The following HS6ST3 variants were observed in gnomAD, a reference collection of about 807,000 sequenced individuals.
HS6ST3 encodes the protein heparan sulfate 6-O-sulfotransferase 3.
A neutral mutation model predicts 36.7 loss-of-function variants in HS6ST3; 12 were observed. The observed-to-expected ratio is 0.33, with a 90% CI of 0.21 to 0.53. HS6ST3 has a LOEUF of 0.53. HS6ST3 is among the 20% of genes least tolerant of loss of function. The pLI, the probability that HS6ST3 is intolerant of heterozygous loss-of-function variation, is 0.95. For synonymous variants in HS6ST3, 240 were observed against 257.5 expected, an observed-to-expected ratio of 0.93 and a Z score of 0.65; for missense variants, 584 against 640.9, an observed-to-expected ratio of 0.91 and a Z score of 0.96.
At chr13:96,325,738 C>G (rs2055027649) in intron 1 of HS6ST3, among the ~76,000 whole-genome samples, 1 of 151,862 alleles carries the variant, frequency 6.6e-6, no homozygotes, top group African/African-American at 2.4e-5. Context: ...TGAATGGAGT[C>G]TGGAAAAAAG....
chr13:96,120,874 C>T (rs2053922291), intron 1 of HS6ST3, among the ~76,000 whole-genome samples: 1 of 152,110 alleles, frequency 6.6e-6, no homozygotes, highest in Non-Finnish European at 1.5e-5. Flanking sequence ...ACATGTATTA[C>T]AAAAGCAGTG....
intron 1 of HS6ST3, among the ~76,000 whole-genome samples, chr13:96,739,340 T>C (rs1876377027): frequency 6.6e-6 from 1 of 151,678 alleles, no homozygotes; most frequent in African/African-American, 2.4e-5. Context: ...CCTTTGACTC[T>C]CGAGTGTTTA....
intron 1 of HS6ST3, among the ~76,000 whole-genome samples, chr13:96,429,144 A>C (rs969795147): frequency 1.3e-5 from 2 of 152,204 alleles, no homozygotes; most frequent in Non-Finnish European, 2.9e-5. Flanking sequence ...CTGTATGTGC[A>C]TGAGCTGTTA....
intron 1 of HS6ST3, among the ~76,000 whole-genome samples, chr13:96,686,143 T>C (rs569995502): frequency 1.3e-5 from 2 of 152,126 alleles, no homozygotes; most frequent in Non-Finnish European, 2.9e-5. Flanking sequence ...CTCATTACCA[T>C]ACACGTCTCC....
At chr13:96,793,556 G>A (rs1236180051) in intron 1 of HS6ST3, among the ~76,000 whole-genome samples, 1 of 152,082 alleles carries the variant, frequency 6.6e-6, no homozygotes, top group Non-Finnish European at 1.5e-5. Flanking sequence ...TAGAGAAGGA[G>A]GGTTGGTGAG....
rs148583780 is a variant in HS6ST3, at chr13:96,705,807, G to A, written c.708-126683G>A. Among the ~76,000 whole-genome samples the A allele has an allele frequency of 4.7e-3, 712 of 152,254 alleles. 5 individuals carry two copies. Among genetic ancestry groups the A allele is most frequent in the Non-Finnish European group, 7.8e-3 (530 of 68,002 alleles). On this transcript the variant is annotated intron_variant, in intron 1 of 1. Transcript: ENST00000376705. ...CTCCAAGGCAGCATGCTCAGTCTCCGTCCACCCACCCCACTGGCCTCTGGG... is the reference window on the plus strand; with the variant it reads ...CTCCAAGGCAGCATGCTCAGTCTCCATCCACCCACCCCACTGGCCTCTGGG...
intron 1 of HS6ST3, among the ~76,000 whole-genome samples, chr13:96,122,012 T>C (rs916055055): frequency 6.6e-6 from 1 of 152,058 alleles, no homozygotes; most frequent in African/African-American, 2.4e-5. Context: ...CTCTTACTTT[T>C]TCAATAGCTA....
At chr13:96,601,415 C>T (rs2056421169) in intron 1 of HS6ST3, among the ~76,000 whole-genome samples, 1 of 152,030 alleles carries the variant, frequency 6.6e-6, no homozygotes, top group African/African-American at 2.4e-5. Context: ...TTTGTTGAAA[C>T]TTTCCACTGT....
chr13:96,320,985 G>T (rs1271948531), intron 1 of HS6ST3, among the ~76,000 whole-genome samples: 1 of 152,074 alleles, frequency 6.6e-6, no homozygotes, highest in African/African-American at 2.4e-5. Flanking sequence ...CCCTTCCTGG[G>T]GCTGGTGCAT....
intron 1 of HS6ST3, among the ~76,000 whole-genome samples, chr13:96,349,010 T>C (rs563234019): frequency 3.9e-5 from 6 of 152,158 alleles, no homozygotes; most frequent in Admixed American, 2.0e-4. Context: ...TTCATGCCAA[T>C]TTGTATCCTG....
chr13:96,334,614 A>T (rs1190331439), intron 1 of HS6ST3, among the ~76,000 whole-genome samples: 2 of 152,204 alleles, frequency 1.3e-5, no homozygotes, highest in African/African-American at 4.8e-5. Flanking sequence ...GGAGCAATTC[A>T]TATCTTACAC....
At chr13:96,108,730 G>A (rs1021529716) in intron 1 of HS6ST3, among the ~76,000 whole-genome samples, 2 of 152,138 alleles carry the variant, frequency 1.3e-5, no homozygotes, top group Non-Finnish European at 2.9e-5. Flanking sequence ...AAGGAAAGAG[G>A]TAAAGGACAG....
intron 1 of HS6ST3, among the ~76,000 whole-genome samples, chr13:96,651,532 T>C (rs2056607319): frequency 6.6e-6 from 1 of 152,056 alleles, no homozygotes; most frequent in Admixed American, 6.6e-5. Flanking sequence ...GAGCATGCTG[T>C]ACCCTCCTCA....
intron 1 of HS6ST3, among the ~76,000 whole-genome samples, chr13:96,521,706 A>G (rs1394709765): frequency 1.3e-5 from 2 of 151,898 alleles, no homozygotes; most frequent in African/African-American, 4.8e-5. Context: ...TATCCCCTTT[A>G]TCATGTTTTA....
chr13:96,152,647 T>A (rs547543583), intron 1 of HS6ST3, among the ~76,000 whole-genome samples: 4 of 152,268 alleles, frequency 2.6e-5, no homozygotes, highest in Admixed American at 6.5e-5. Flanking sequence ...CCTCTTTTTT[T>A]AATACTATCA....
At chr13:96,523,932 G>A (rs1486809308) in intron 1 of HS6ST3, among the ~76,000 whole-genome samples, 1 of 152,114 alleles carries the variant, frequency 6.6e-6, no homozygotes, top group Non-Finnish European at 1.5e-5. Flanking sequence ...TTGGAGGTGA[G>A]GAGGCATTTG....
At chr13:96,524,491 C>T (rs1159829535) in intron 1 of HS6ST3, among the ~76,000 whole-genome samples, 1 of 152,204 alleles carries the variant, frequency 6.6e-6, no homozygotes, top group East Asian at 1.9e-4. Flanking sequence ...AGGCAGTAGG[C>T]CTTGCTGAGC....
chr13:96,596,371 A>C (rs1340799122), intron 1 of HS6ST3, among the ~76,000 whole-genome samples: 1 of 152,164 alleles, frequency 6.6e-6, no homozygotes, highest in African/African-American at 2.4e-5. Flanking sequence ...GTTGATGAGC[A>C]GTTAGGTTGA....
intron 1 of HS6ST3, among the ~76,000 whole-genome samples, chr13:96,430,506 G>A (rs1239651199): frequency 6.6e-6 from 1 of 152,172 alleles, no homozygotes; most frequent in African/African-American, 2.4e-5. Flanking sequence ...CTCCTGGGGT[G>A]AGGCCCTCAT....
Sources: allele counts gnomAD v4.1 joint callset (sites outside exome capture counted in the v4.1 genomes callset), GRCh38; gene constraint gnomAD v4.1.1; transcripts MANE v1.5; gene names NCBI Gene and HGNC (gene_info 2026-07-23, HGNC 2026-07-21).